SUSD4: variants seen among roughly 807,000 people sequenced by gnomAD.
SUSD4 encodes sushi domain-containing protein 4.
In SUSD4, 41 loss-of-function variants were observed where a neutral mutation model predicts 50.5. The observed-to-expected ratio is 0.81, with a 90% CI of 0.63 to 1.05. The LOEUF is 1.05. Among genes scored for constraint, SUSD4 ranks in the 50% least tolerant of loss-of-function variants. SUSD4 has a pLI of 0.00. For missense variants in SUSD4, 580 were observed against 634.7 expected, an observed-to-expected ratio of 0.91 and a Z score of 0.93; for synonymous variants, 257 against 257.3, an observed-to-expected ratio of 1.00 and a Z score of 0.01.
Position 223,281,357 on chromosome 1 carries a change from G to A in SUSD4, c.361+11082C>T, listed in dbSNP as rs550131057. On this transcript the variant is annotated intron_variant, in intron 3 of 8. Coordinates refer to ENST00000366878, the MANE Select transcript of SUSD4 (RefSeq NM_017982.4). Reference sequence around the variant, plus strand: ...GACTGCTAGCAAGACTAATAAAGAAGAAAAGAGAGAAGAATCAAATAGACA... The same window carrying A: ...GACTGCTAGCAAGACTAATAAAGAAAAAAAGAGAGAAGAATCAAATAGACA... Among the ~76,000 whole-genome samples the A allele has an allele frequency of 1.8e-4, 27 of 151,976 alleles. No homozygotes were observed. In the South Asian group the frequency reaches 5.4e-3, roughly 31 times the overall value.
chr1:223,295,118 A>G (rs1664738944), intron 2 of SUSD4, among the ~76,000 whole-genome samples: 2 of 152,188 alleles, frequency 1.3e-5, no homozygotes, highest in Non-Finnish European at 2.9e-5. Flanking sequence ...TGGGGTTAGG[A>G]AGAGGTCTAA....
chr1:223,348,884 T>C (rs1668193246), intron 2 of SUSD4, among the ~76,000 whole-genome samples: 1 of 152,132 alleles, frequency 6.6e-6, no homozygotes, highest in African/African-American at 2.4e-5. Context: ...GAGAAATGCA[T>C]ATACAAGTCT....
chr1:223,222,080 T>C lies in SUSD4; in HGVS notation c.*112A>G. ...TGCATAATGTGAACTGTGGTCCCCA[T>C]GTAGACAAGTTAGACATTTTGCCCC... is the stretch of plus-strand genomic sequence containing the variant. On this transcript the variant is annotated 3_prime_UTR_variant, in exon 9 of 9. Transcript: ENST00000366878. 9.4e-7 allele frequency: 1 copy of C among 1,060,108 alleles called. No individual in the cohort carries two copies. Among genetic ancestry groups the C allele is most frequent in the African/African-American group, 1.6e-5 (1 of 62,350 alleles). The allele number at this position is 1,060,108 out of a possible 1,614,324, so 65.7% of individuals were successfully genotyped here.
At position 223,302,889 on chromosome 1, in the gene SUSD4, G is replaced by C. The variant is rs61838199; in HGVS notation, c.149-10238C>G. 2.0e-5 allele frequency among the ~76,000 whole-genome samples: 3 copies of C among 152,026 alleles called. No individual in the cohort carries two copies. In the East Asian group the frequency reaches 5.8e-4, roughly 29 times the overall value. ...TTACAACTAACATTAATAAGGAAAC[G>C]TGATTGCTTTATAAAAATTCATCAC... On this transcript the variant is annotated intron_variant, in intron 2 of 8. Transcript: ENST00000366878.
chr1:223,347,645 T>C (rs1221789945), intron 2 of SUSD4, among the ~76,000 whole-genome samples: 1 of 115,570 alleles, frequency 8.7e-6, no homozygotes, highest in African/African-American at 3.4e-5. Flanking sequence ...CGCATTTAAG[T>C]GAGAATTACT....
At chr1:223,353,968 C>G (rs1668512490) in intron 2 of SUSD4, among the ~76,000 whole-genome samples, 1 of 151,632 alleles carries the variant, frequency 6.6e-6, no homozygotes, top group African/African-American at 2.4e-5. Context: ...GAGGCAGAAG[C>G]TGCAGCGAGC....
rs1276000631 is a variant in SUSD4, at chr1:223,319,679, C to T, written c.149-27028G>A. 2.0e-5 allele frequency among the ~76,000 whole-genome samples: 3 copies of T among 152,196 alleles called. No individual in the cohort carries two copies. In the East Asian group the frequency reaches 5.8e-4, roughly 29 times the overall value. The stretch of plus-strand genomic sequence containing the variant: ...TCACAGGTAGGAGGGAATACAGCGG[C>T]CCTTTCAATAGGACCAGCTTCTTTT... On this transcript the variant is annotated intron_variant, in intron 2 of 8. Transcript: ENST00000366878.
At chr1:223,274,690 A>G in intron 3 of SUSD4, among the ~76,000 whole-genome samples, 1 of 152,176 alleles carries the variant, frequency 6.6e-6, no homozygotes, top group Admixed American at 6.5e-5. Context: ...TAAAACATTC[A>G]TTTCTATATT....
intron 3 of SUSD4, among the ~76,000 whole-genome samples, chr1:223,270,436 C>T (rs1455448640): frequency 1.3e-5 from 2 of 152,222 alleles, no homozygotes; most frequent in African/African-American, 2.4e-5. Context: ...AGCCCTGCAG[C>T]TCAGCCTTCC....
intron 5 of SUSD4, among the ~76,000 whole-genome samples, chr1:223,245,559 G>A (rs1192547694): frequency 6.6e-6 from 1 of 152,154 alleles, no homozygotes; most frequent in Non-Finnish European, 1.5e-5. Context: ...CACTGTGTGT[G>A]CAGCTGCATG....
At chr1:223,326,915 T>G (rs567443741) in intron 2 of SUSD4, among the ~76,000 whole-genome samples, 1 of 152,076 alleles carries the variant, frequency 6.6e-6, no homozygotes, top group African/African-American at 2.4e-5. Flanking sequence ...TAGTATAACC[T>G]CTATGGAAAA....
At chr1:223,260,249 C>T (rs142330505) in intron 5 of SUSD4, among the ~76,000 whole-genome samples, 114 of 152,286 alleles carry the variant, frequency 7.5e-4, no homozygotes, top group Middle Eastern at 6.8e-3. Context: ...AGACTGTAAA[C>T]TCTTCAAAAG....
At chr1:223,307,665 C>T (rs916119571) in intron 2 of SUSD4, among the ~76,000 whole-genome samples, 1 of 152,112 alleles carries the variant, frequency 6.6e-6, no homozygotes, top group African/African-American at 2.4e-5. Flanking sequence ...ACAGAAGATA[C>T]TATGGGAAAT....
rs751323844 is a variant in SUSD4 at position 223,268,685 on chromosome 1, T to A, written c.362-10A>T. On this transcript the variant is annotated splice_polypyrimidine_tract_variant and intron_variant, in intron 3 of 8. Transcript: ENST00000366878. Reference sequence around the variant, plus strand: ...TGAGGGATACGGCAATCTGCAATTTTGTAAAAGGTACACATTATTTTTGGA... The same window carrying A: ...TGAGGGATACGGCAATCTGCAATTTAGTAAAAGGTACACATTATTTTTGGA... 1.4e-5 allele frequency: 22 copies of A among 1,607,386 alleles called. No individual in the cohort carries two copies. In the African/African-American group the frequency reaches 2.9e-4, roughly 22 times the overall value.
chr1:223,339,620 C>A (rs1427230015), intron 2 of SUSD4, among the ~76,000 whole-genome samples: 1 of 152,208 alleles, frequency 6.6e-6, no homozygotes, highest in Non-Finnish European at 1.5e-5. Context: ...GAGAGCCACC[C>A]ATCAGAATCT....
chr1:223,278,739 T>C (rs1023480086), intron 3 of SUSD4, among the ~76,000 whole-genome samples: 16 of 152,166 alleles, frequency 1.1e-4, no homozygotes, highest in South Asian at 2.1e-4. Flanking sequence ...AGCACGGAGT[T>C]TGAGATCTGA....
At chr1:223,340,936 T>C (rs1667720750) in intron 2 of SUSD4, among the ~76,000 whole-genome samples, 1 of 152,196 alleles carries the variant, frequency 6.6e-6, no homozygotes, top group Admixed American at 6.5e-5. Context: ...GTTACACATA[T>C]TCGTTTAATG....
intron 3 of SUSD4, among the ~76,000 whole-genome samples, chr1:223,279,917 G>T (rs889351358): frequency 6.6e-6 from 1 of 152,224 alleles, no homozygotes; most frequent in Non-Finnish European, 1.5e-5. Context: ...CCAGAAGAGA[G>T]TGGGGGCCAA....
At chr1:223,337,358 C>CATGAATGA (rs535010021) in intron 2 of SUSD4, among the ~76,000 whole-genome samples, 9 of 152,220 alleles carry the variant, frequency 5.9e-5, no homozygotes, top group African/African-American at 1.7e-4. Context: ...TAGTACAATG[C>CATGAATGA]ATGAATGAAT....
Sources: gnomAD v4.1 joint callset for allele counts (sites outside exome capture counted in the v4.1 genomes callset) on GRCh38, gnomAD v4.1.1 for gene constraint, MANE v1.5 for transcripts, NCBI Gene and HGNC (gene_info 2026-07-23, HGNC 2026-07-21) for gene names.